PPP2R3A: variants seen among roughly 807,000 people sequenced by gnomAD.
The protein encoded by PPP2R3A is protein phosphatase 2 regulatory subunit B''alpha, also known as serine/threonine-protein phosphatase 2A regulatory subunit B'' subunit alpha.
A neutral mutation model predicts 106.9 loss-of-function variants in PPP2R3A; 80 were observed. The ratio of observed to expected loss-of-function variants is 0.75; its 90% CI spans 0.62 to 0.90. PPP2R3A has a LOEUF of 0.90. Among genes scored for constraint, PPP2R3A ranks in the 40% least tolerant of loss-of-function variants. The pLI, the probability that PPP2R3A is intolerant of heterozygous loss-of-function variation, is 0.00. For missense variants in PPP2R3A, 1,386 were observed against 1,350.4 expected (o/e 1.03, Z -0.41); for synonymous variants, 483 against 468.3 (o/e 1.03, Z -0.41).
At chr3:136,137,283 A>G (rs1483885077) in intron 13 of PPP2R3A, among the ~76,000 whole-genome samples, 1 of 152,138 alleles carries the variant, frequency 6.6e-6, no homozygotes, top group Non-Finnish European at 1.5e-5. Context: ...GAAAATATAA[A>G]GAGATTAAAA....
intron 5 of PPP2R3A, among the ~76,000 whole-genome samples, chr3:136,059,211 T>C (rs143387064): frequency 0.013 from 1,990 of 151,944 alleles, 41 homozygotes; most frequent in African/African-American, 0.044. Context: ...GCCTACAGAA[T>C]GGGAGAAAAT....
At chr3:136,078,257 C>A in intron 6 of PPP2R3A, 110 bp from the exon 7 acceptor site, 1 of 743,264 alleles carries the variant, frequency 1.3e-6, no homozygotes, top group Non-Finnish European at 2.3e-6. Flanking sequence ...TTAACATAAT[C>A]AAAAAGCTAA....
At position 136,021,849 on chromosome 3, in the gene PPP2R3A, G is replaced by A. The variant is rs1006888073; in HGVS notation, c.1996-4983G>A. Among the ~76,000 whole-genome samples, 4 of 151,856 alleles carry A rather than the reference G, an allele frequency of 2.6e-5. No homozygotes were observed. The Admixed American group carries it at 2.6e-4, about 10-fold the overall frequency. On this transcript the variant is annotated intron_variant, in intron 2 of 13. Transcript: ENST00000264977. The stretch of plus-strand genomic sequence containing the variant: ...ATTTCCTAAACAATAGAGTATAACA[G>A]CTATTTACATAATACTTATATTGTA...
intron 6 of PPP2R3A, among the ~76,000 whole-genome samples, chr3:136,076,871 C>G (rs1232883475): frequency 6.6e-6 from 1 of 151,100 alleles, no homozygotes; most frequent in African/African-American, 2.4e-5. Context: ...GGCGTGAACC[C>G]GGGAGGTGGA....
rs933257127 is a variant in PPP2R3A, at chr3:136,119,390, A to G, written c.3329+13068A>G. 2.0e-5 allele frequency among the ~76,000 whole-genome samples: 3 copies of G among 152,366 alleles called. No homozygotes were observed. In the South Asian group the frequency reaches 6.2e-4, roughly 32 times the overall value. On this transcript the variant is annotated intron_variant, in intron 13 of 13. Transcript: ENST00000264977. ...CAAATGGGATCTAATTAAACTAAAG[A>G]GTTTCTACACAGCAAAAGAAACTAT...
intron 1 of PPP2R3A, among the ~76,000 whole-genome samples, chr3:135,989,118 G>T (rs547213141): frequency 1.3e-5 from 2 of 152,208 alleles, no homozygotes; most frequent in South Asian, 4.1e-4. Context: ...TGGAGATCCA[G>T]TATCTAAAAC....
intron 1 of PPP2R3A, among the ~76,000 whole-genome samples, chr3:135,969,333 T>C (rs143325952): frequency 6.6e-6 from 1 of 152,210 alleles, no homozygotes; most frequent in Non-Finnish European, 1.5e-5. Flanking sequence ...TCATGAGATA[T>C]ATTTAGGAGG....
At chr3:135,984,563 C>T (rs1380334166) in intron 1 of PPP2R3A, among the ~76,000 whole-genome samples, 1 of 152,044 alleles carries the variant, frequency 6.6e-6, no homozygotes, top group Non-Finnish European at 1.5e-5. Context: ...CAGTTTCCCC[C>T]ATGCCGTTCT....
At chr3:135,994,166 T>C (rs1486170814) in intron 1 of PPP2R3A, among the ~76,000 whole-genome samples, 1 of 152,230 alleles carries the variant, frequency 6.6e-6, no homozygotes, top group Non-Finnish European at 1.5e-5. Flanking sequence ...ATTAGTGGGC[T>C]TCACTGTAAG....
At chr3:136,140,894 A>G (rs918572634) in intron 13 of PPP2R3A, among the ~76,000 whole-genome samples, 44 of 152,230 alleles carry the variant, frequency 2.9e-4, no homozygotes, top group African/African-American at 1.0e-3. Context: ...CGACAGAGCG[A>G]GACTCTGTCT....
chr3:136,081,147 C>T (rs952616089), intron 7 of PPP2R3A, among the ~76,000 whole-genome samples: 4 of 152,064 alleles, frequency 2.6e-5, no homozygotes, highest in Non-Finnish European at 5.9e-5. Flanking sequence ...CGCCTGCCAC[C>T]ACACCCAGCT....
intron 2 of PPP2R3A, among the ~76,000 whole-genome samples, chr3:136,012,622 AAC>A (rs1286648873): frequency 6.6e-6 from 1 of 152,180 alleles, no homozygotes; most frequent in African/African-American, 2.4e-5. Context: ...AAAAAATAGT[AAC>A]ACAGAACAAG....
At chr3:136,109,017 G>C (rs539518956) in intron 13 of PPP2R3A, among the ~76,000 whole-genome samples, 8 of 152,248 alleles carry the variant, frequency 5.3e-5, no homozygotes, top group Non-Finnish European at 1.0e-4. Context: ...AGCAGCCATG[G>C]TAGAAAAGAA....
At chr3:136,047,111 T>C (rs547066868) in intron 4 of PPP2R3A, among the ~76,000 whole-genome samples, 1 of 152,254 alleles carries the variant, frequency 6.6e-6, no homozygotes, top group South Asian at 2.1e-4. Flanking sequence ...AACCTATAAC[T>C]CATTGGCATT....
chr3:136,085,905 G>A (rs1392185862), intron 8 of PPP2R3A, among the ~76,000 whole-genome samples: 1 of 150,918 alleles, frequency 6.6e-6, no homozygotes, highest in Non-Finnish European at 1.5e-5. Flanking sequence ...TGGGCAACAT[G>A]GTGAAACCCT....
rs903189862 is a variant in PPP2R3A at position 136,139,491 on chromosome 3, G to A, written c.3330-5552G>A. Among the ~76,000 whole-genome samples the A allele has an allele frequency of 2.6e-5, 4 of 151,782 alleles. No homozygotes were observed. The East Asian group carries it at 5.8e-4, about 22-fold the overall frequency. ...GGGGGGATCATGAGGTCAGGAGATC[G>A]AGGCCATCCTAGCCAACATGGTGAA... On this transcript the variant is annotated intron_variant, in intron 13 of 13. Transcript: ENST00000264977.
chr3:136,028,703 T>C (rs1029643659), intron 3 of PPP2R3A, among the ~76,000 whole-genome samples: 2 of 152,248 alleles, frequency 1.3e-5, no homozygotes, highest in Non-Finnish European at 2.9e-5. Flanking sequence ...AGAACCCTGA[T>C]GATAAAATTT....
chr3:136,115,157 C>T (rs1191290531), intron 13 of PPP2R3A, among the ~76,000 whole-genome samples: 1 of 152,164 alleles, frequency 6.6e-6, no homozygotes, highest in Admixed American at 6.5e-5. Flanking sequence ...AACTCCAGCA[C>T]ACCTGCAGCA....
chr3:136,080,030 AG>A (rs753969499), intron 7 of PPP2R3A, among the ~76,000 whole-genome samples: 7 of 152,176 alleles, frequency 4.6e-5, no homozygotes, highest in Non-Finnish European at 8.8e-5. Flanking sequence ...CTTTCCCCAG[AG>A]GGGGACCCAT....
Sources: gnomAD v4.1 joint callset for allele counts (sites outside exome capture counted in the v4.1 genomes callset) on GRCh38, gnomAD v4.1.1 for gene constraint, MANE v1.5 for transcripts, NCBI Gene and HGNC (gene_info 2026-07-23, HGNC 2026-07-21) for gene names.